CSMD1: variants seen among roughly 807,000 people sequenced by gnomAD.
The protein encoded by CSMD1 is CUB and Sushi multiple domains 1.
CSMD1 carries 213 observed loss-of-function variants against 417.5 expected under a neutral mutation model. The ratio of observed to expected loss-of-function variants is 0.51; its 90% CI spans 0.46 to 0.57. The LOEUF (loss-of-function observed/expected upper bound fraction) is 0.57. Among genes scored for constraint, CSMD1 ranks in the 20% least tolerant of loss-of-function variants. The pLI, the probability that CSMD1 is intolerant of heterozygous loss-of-function variation, is 0.00. For missense variants in CSMD1, 6,923 were observed against 4,529.7 expected (o/e 1.53, Z -15.17); for synonymous variants, 2,862 against 1,736.8 (o/e 1.65, Z -16.11).
chr8:3,911,553 A>G (rs1242073593), intron 5 of CSMD1, among the ~76,000 whole-genome samples: 1 of 151,436 alleles, frequency 6.6e-6, no homozygotes, highest in East Asian at 1.9e-4. Context: ...AAAAAAGAAG[A>G]AGAAGAAAAC....
In CSMD1 at chr8:3,968,490, C is replaced by T. The variant is rs536077671; in HGVS notation, c.818+29413G>A. 7.2e-5 allele frequency among the ~76,000 whole-genome samples: 11 copies of T among 152,158 alleles called. No homozygotes were observed. The East Asian group carries it at 1.4e-3, about 19-fold the overall frequency. On this transcript the variant is annotated intron_variant, in intron 5 of 69. Coordinates refer to ENST00000635120, the MANE Select transcript of CSMD1 (RefSeq NM_033225.6). ...AATCTTTTTAGTTAAGTACATCTTCCGGATTCAAAATACTTAATAAAGCAA... is the reference window on the plus strand; with the variant it reads ...AATCTTTTTAGTTAAGTACATCTTCTGGATTCAAAATACTTAATAAAGCAA...
chr8:4,838,678 A>C (rs1024552379), intron 1 of CSMD1, among the ~76,000 whole-genome samples: 2 of 152,222 alleles, frequency 1.3e-5, no homozygotes, highest in South Asian at 4.1e-4. Flanking sequence ...AGAAGCATTT[A>C]TAAGAGACCT....
At chr8:4,853,188 T>G (rs544826295) in intron 1 of CSMD1, among the ~76,000 whole-genome samples, 6 of 152,150 alleles carry the variant, frequency 3.9e-5, no homozygotes, top group Non-Finnish European at 5.9e-5. Context: ...GGGACCCAGG[T>G]GCTGCTAGCC....
chr8:3,587,788 G>C (rs933795598), intron 8 of CSMD1, among the ~76,000 whole-genome samples: 1 of 152,100 alleles, frequency 6.6e-6, no homozygotes, highest in African/African-American at 2.4e-5. Context: ...ATAATGAAGA[G>C]AATTCAAAAG....
intron 4 of CSMD1, among the ~76,000 whole-genome samples, chr8:4,013,321 C>T (rs1010329759): frequency 2.0e-5 from 3 of 152,064 alleles, no homozygotes; most frequent in South Asian, 4.1e-4. Flanking sequence ...GTTCACTCAC[C>T]GTACGCTGTT....
At chr8:4,688,620 G>A (rs1026974547) in intron 1 of CSMD1, among the ~76,000 whole-genome samples, 1 of 152,152 alleles carries the variant, frequency 6.6e-6, no homozygotes, top group African/African-American at 2.4e-5. Context: ...TGAATGTCAT[G>A]TTGACTTCAG....
intron 5 of CSMD1, among the ~76,000 whole-genome samples, chr8:3,972,849 A>C (rs1813180718): frequency 6.6e-6 from 1 of 152,248 alleles, no homozygotes; most frequent in South Asian, 2.1e-4. Flanking sequence ...TTTACCTCAG[A>C]ATCTTATAAA....
Position 4,716,302 on chromosome 8 carries a change from AAAG to A in CSMD1, c.86-78747_86-78745del, listed in dbSNP as rs758293356. On this transcript the variant is annotated intron_variant, in intron 1 of 69. Transcript: ENST00000635120. ...CTCCCTCAACACCCAGAAAGGGCAC[AAAG>A]AAGGTCATGTGGCTGAGGAAATGTC... is the stretch of plus-strand genomic sequence containing the variant. Among the ~76,000 whole-genome samples the A allele has an allele frequency of 2.0e-3, 308 of 152,342 alleles. 1 individual carries two copies. The highest frequency in any genetic ancestry group is 3.4e-3 in the Middle Eastern group (1 of 294).
rs59287581 is a variant in CSMD1, at chr8:4,810,312, CCTCAA to C, written c.86-172759_86-172755del. Among the ~76,000 whole-genome samples, 875 of 152,148 alleles carry C rather than the reference CCTCAA, an allele frequency of 5.8e-3. 7 individuals are homozygous for C. Among genetic ancestry groups the C allele is most frequent in the African/African-American group, 0.019 (800 of 41,480 alleles). On this transcript the variant is annotated intron_variant, in intron 1 of 69. Transcript: ENST00000635120. Reference sequence around the variant, plus strand: ...TTCTCATAGTCAAATTTAATATGTTCCTCAACTTATTTTTCTTTTGTAAATGCACA... The same window carrying C: ...TTCTCATAGTCAAATTTAATATGTTCCTTATTTTTCTTTTGTAAATGCACA...
chr8:3,657,285 G>C (rs1798178136), intron 7 of CSMD1, among the ~76,000 whole-genome samples: 1 of 152,040 alleles, frequency 6.6e-6, no homozygotes, highest in Non-Finnish European at 1.5e-5. Context: ...AATCTGAAAA[G>C]AAAAACCAGT....
At chr8:4,853,363 G>A (rs1334076673) in intron 1 of CSMD1, among the ~76,000 whole-genome samples, 1 of 152,202 alleles carries the variant, frequency 6.6e-6, no homozygotes, top group Admixed American at 6.5e-5. Context: ...CACTGCTCCA[G>A]CTCTATCCAT....
At chr8:4,064,965 G>A (rs768556670) in intron 3 of CSMD1, among the ~76,000 whole-genome samples, 1 of 151,676 alleles carries the variant, frequency 6.6e-6, no homozygotes, top group Non-Finnish European at 1.5e-5. Context: ...TTAACGCTGT[G>A]CATTCACTAA....
At chr8:4,795,555 C>A (rs896668264) in intron 1 of CSMD1, among the ~76,000 whole-genome samples, 2 of 151,992 alleles carry the variant, frequency 1.3e-5, no homozygotes, top group Non-Finnish European at 2.9e-5. Flanking sequence ...AGCCACCGCA[C>A]CCGGCCAGCT....
chr8:4,859,248 C>A (rs972643862), intron 1 of CSMD1, among the ~76,000 whole-genome samples: 8 of 151,876 alleles, frequency 5.3e-5, no homozygotes, highest in African/African-American at 1.9e-4. Context: ...TTCCTTACAC[C>A]TTATACAAAA....
intron 3 of CSMD1, among the ~76,000 whole-genome samples, chr8:4,316,741 A>G (rs74515946): frequency 0.049 from 7,402 of 152,162 alleles, 237 homozygotes; most frequent in Non-Finnish European, 0.072. Context: ...TAGTTAAATA[A>G]GAAAGTGGTC....
chr8:3,950,080 G>C (rs188004563), intron 5 of CSMD1: 161 of 443,430 alleles, frequency 3.6e-4, no homozygotes, highest in Admixed American at 6.9e-4. Flanking sequence ...AAAATAAAAA[G>C]AAAATCTTCC....
At chr8:4,717,983 T>G (rs1033124010) in intron 1 of CSMD1, among the ~76,000 whole-genome samples, 4 of 152,176 alleles carry the variant, frequency 2.6e-5, no homozygotes, top group Non-Finnish European at 5.9e-5. Context: ...TATTTTATTT[T>G]ATTATTTGTT....
chr8:4,980,453 T>C (rs889524526), intron 1 of CSMD1, among the ~76,000 whole-genome samples: 1 of 152,170 alleles, frequency 6.6e-6, no homozygotes, highest in African/African-American at 2.4e-5. Context: ...GCGAGGAGGC[T>C]TTCAAGAGGC....
chr8:2,939,539 T>C (rs1261525569), intron 69 of CSMD1, among the ~76,000 whole-genome samples: 1 of 152,242 alleles, frequency 6.6e-6, no homozygotes, highest in East Asian at 1.9e-4. Flanking sequence ...TCTGTCTCTG[T>C]TTATTCTTTC....
Sources: allele counts gnomAD v4.1 joint callset (sites outside exome capture counted in the v4.1 genomes callset), GRCh38; gene constraint gnomAD v4.1.1; transcripts MANE v1.5; gene names NCBI Gene and HGNC (gene_info 2026-07-23, HGNC 2026-07-21).